The following BTBD16 variants were observed in gnomAD, a reference collection of about 807,000 sequenced individuals.
BTBD16 encodes BTB/POZ domain-containing protein 16.
Under a neutral mutation model 67.4 loss-of-function variants are expected in BTBD16, and 66 were observed. That is an observed-to-expected ratio of 0.98 (90% CI 0.80 to 1.20). The LOEUF is 1.20. Among genes scored for constraint, BTBD16 ranks in the 50% most tolerant of loss-of-function variants. The pLI, the probability that BTBD16 is intolerant of heterozygous loss-of-function variation, is 0.00. For synonymous variants in BTBD16, 242 were observed against 236.4 expected, an observed-to-expected ratio of 1.02 and a Z score of -0.22; for missense variants, 634 against 616.0, an observed-to-expected ratio of 1.03 and a Z score of -0.31.
intron 13 of BTBD16, among the ~76,000 whole-genome samples, chr10:122,334,419 T>A (rs1416825612): frequency 8.0e-5 from 12 of 149,784 alleles, no homozygotes; most frequent in Non-Finnish European, 1.8e-4. Flanking sequence ...ATGGTCTTGA[T>A]CTTCTGACCT....
In BTBD16 at chr10:122,306,892, T is replaced by C. The variant is rs530098026; in HGVS notation, c.792-297T>C. Among the ~76,000 whole-genome samples the C allele has an allele frequency of 3.3e-5, 5 of 152,316 alleles. No homozygotes were observed. In the South Asian group the frequency reaches 6.2e-4, roughly 19 times the overall value. Reference sequence around the variant, plus strand: ...ATGAAAAAATCTACAGAAAACATCTTGGGAACACCTGGCACATAGTAAGAG... The same window carrying C: ...ATGAAAAAATCTACAGAAAACATCTCGGGAACACCTGGCACATAGTAAGAG... On this transcript the variant is annotated intron_variant, in intron 9 of 15. Transcript: ENST00000260723.
At chr10:122,277,922 C>G (rs1456341954) in intron 3 of BTBD16, among the ~76,000 whole-genome samples, 2 of 152,172 alleles carry the variant, frequency 1.3e-5, no homozygotes, top group Non-Finnish European at 2.9e-5. Flanking sequence ...CCGTTACCAT[C>G]CTTAGGCTGG....
chr10:122,286,304 C>G, intron 5 of BTBD16, 56 bp downstream of exon 5: 2 of 1,541,336 alleles, frequency 1.3e-6, no homozygotes, highest in Non-Finnish European at 1.8e-6. Context: ...GCTTGACGGT[C>G]CCAGCTTGGA....
At chr10:122,310,468 G>A (rs920862216) in intron 10 of BTBD16, among the ~76,000 whole-genome samples, 4 of 152,200 alleles carry the variant, frequency 2.6e-5, no homozygotes, top group Admixed American at 6.5e-5. Flanking sequence ...CTGTGGAGGT[G>A]GAGGGAGACT....
intron 10 of BTBD16, among the ~76,000 whole-genome samples, chr10:122,313,899 A>G (rs2096418994): frequency 6.6e-6 from 1 of 152,158 alleles, no homozygotes; most frequent in Non-Finnish European, 1.5e-5. Context: ...TAGTATCTCT[A>G]TTCTGTGCCA....
intron 5 of BTBD16, chr10:122,287,347 T>G (rs1479686666): frequency 1.6e-5 from 13 of 819,164 alleles, no homozygotes; most frequent in Non-Finnish European, 1.9e-5. Flanking sequence ...GCAGGAGAAT[T>G]TGGAAGTGGA....
At chr10:122,332,595 A>G in intron 13 of BTBD16, 82 bp downstream of exon 13, 1 of 1,406,208 alleles carries the variant, frequency 7.1e-7, no homozygotes, top group African/African-American at 1.4e-5. Flanking sequence ...AGCCATGATC[A>G]CTTCTGGCTC....
At chr10:122,312,280 T>C (rs2096415058) in intron 10 of BTBD16, among the ~76,000 whole-genome samples, 1 of 151,562 alleles carries the variant, frequency 6.6e-6, no homozygotes, top group African/African-American at 2.4e-5. Flanking sequence ...ACTAGGTATC[T>C]TCAGTCTTTC....
At chr10:122,317,946 A>G (rs757600189) in intron 10 of BTBD16, among the ~76,000 whole-genome samples, 65 of 152,368 alleles carry the variant, frequency 4.3e-4, no homozygotes, top group Non-Finnish European at 8.1e-4. Context: ...ATAGTACATA[A>G]GCCAGTAACA....
intron 3 of BTBD16, 85 bp from the exon 4 acceptor site, chr10:122,283,766 C>A: frequency 1.9e-6 from 2 of 1,040,698 alleles, no homozygotes; most frequent in Non-Finnish European, 3.0e-6. Flanking sequence ...GCTTTAAGGA[C>A]ATTTATGCTA....
chr10:122,306,159 T>C (rs752262980), intron 9 of BTBD16, among the ~76,000 whole-genome samples: 10 of 152,148 alleles, frequency 6.6e-5, no homozygotes, highest in Non-Finnish European at 1.3e-4. Flanking sequence ...GATTTGAAGA[T>C]GCTGAACTGC....
At chr10:122,321,449 G>T (rs1369460867) in intron 10 of BTBD16, among the ~76,000 whole-genome samples, 1 of 152,214 alleles carries the variant, frequency 6.6e-6, no homozygotes, top group African/African-American at 2.4e-5. Context: ...TTCCACAGTG[G>T]CTGAACTAAT....
intron 10 of BTBD16, among the ~76,000 whole-genome samples, chr10:122,314,515 A>C (rs1220749152): frequency 6.6e-6 from 1 of 152,226 alleles, no homozygotes. Context: ...AAAAAAATTA[A>C]AAATAAAAAT....
chr10:122,295,783 T>C (rs934425811), intron 7 of BTBD16, among the ~76,000 whole-genome samples: 1 of 152,154 alleles, frequency 6.6e-6, no homozygotes, highest in Admixed American at 6.5e-5. Context: ...TCAAGACAAC[T>C]CCTTCTAATG....
At chr10:122,280,558 TTTATA>T (rs71026011) in intron 3 of BTBD16, among the ~76,000 whole-genome samples, 20 of 31,408 alleles carry the variant, frequency 6.4e-4, no homozygotes, top group African/African-American at 2.4e-3. Flanking sequence ...CCCCTATATT[TTTATA>T]TTATATTATA....
At chr10:122,299,735 A>G (rs545315606) in intron 9 of BTBD16, among the ~76,000 whole-genome samples, 1 of 152,064 alleles carries the variant, frequency 6.6e-6, no homozygotes, top group Non-Finnish European at 1.5e-5. Context: ...TTCCAAATCA[A>G]GTCCAGCGCT....
At chr10:122,312,980 G>C (rs555423046) in intron 10 of BTBD16, among the ~76,000 whole-genome samples, 1 of 152,124 alleles carries the variant, frequency 6.6e-6, no homozygotes, top group Non-Finnish European at 1.5e-5. Context: ...AGGTTCAAAC[G>C]ATTCTCTTGC....
Position 122,329,487 on chromosome 10 carries a change from G to A in BTBD16, c.919G>A (p.Glu307Lys), listed in dbSNP as rs764034650. ...CTTTATGCCTCTGCTAAGCTTTCCT[G>A]AGAACTGTTGCTTTCTGGACCGGGA... Reference protein sequence around the residue: ...TVMTFFKSFPENCCFLDRDIG... With the variant: ...TVMTFFKSFPKNCCFLDRDIG... Residue 307 changes from glutamate to lysine, a missense_variant, in exon 11 of 16, where the codon GAG becomes AAG. Glu to Lys is a moderately conservative substitution (Grantham distance 56). Coordinates refer to ENST00000260723, the MANE Select transcript of BTBD16 (RefSeq NM_144587.5). The A allele has an allele frequency of 1.2e-6, 2 of 1,613,878 alleles. No homozygotes were observed. The highest frequency in any genetic ancestry group is 1.7e-6 in the Non-Finnish European group (2 of 1,180,008).
chr10:122,307,015 A>G (rs2096404841), intron 9 of BTBD16, among the ~76,000 whole-genome samples, 174 bp from the exon 10 acceptor site: 1 of 152,132 alleles, frequency 6.6e-6, no homozygotes, highest in Non-Finnish European at 1.5e-5. Flanking sequence ...TAGCTCTGCC[A>G]TTTCCCAGTT....
Sources: gnomAD v4.1 joint callset for allele counts (sites outside exome capture counted in the v4.1 genomes callset) on GRCh38, gnomAD v4.1.1 for gene constraint, MANE v1.5 for transcripts, NCBI Gene and HGNC (gene_info 2026-07-23, HGNC 2026-07-21) for gene names.